AGAP1: variants seen among roughly 807,000 people sequenced by gnomAD.
AGAP1 encodes the protein ArfGAP with GTPase domain, ankyrin repeat and PH domain 1, also known as arf-GAP with GTPase, ANK repeat and PH domain-containing protein 1.
Under a neutral mutation model 105.3 loss-of-function variants are expected in AGAP1, and 29 were observed. The ratio of observed to expected loss-of-function variants is 0.28; its 90% confidence interval spans 0.21 to 0.38. The LOEUF is 0.38. Among genes scored for constraint, AGAP1 ranks in the 10% least tolerant of loss-of-function variants. The probability of loss-of-function intolerance (pLI) is 1.00; values close to 1 mark genes in which losing one functional copy is unlikely to be tolerated. For synonymous variants in AGAP1, 509 were observed against 485.9 expected (o/e 1.05, Z -0.63); for missense variants, 998 against 1,165.1 (o/e 0.86, Z 2.09).
At chr2:235,548,088 G>C (rs1276605873) in intron 1 of AGAP1, among the ~76,000 whole-genome samples, 1 of 152,246 alleles carries the variant, frequency 6.6e-6, no homozygotes, top group African/African-American at 2.4e-5. Flanking sequence ...GTGAGAAATA[G>C]CTGTGTCCAT....
At position 235,660,144 on chromosome 2, in the gene AGAP1, C is replaced by T. The variant is rs923246388; in HGVS notation, c.164-49035C>T. ...TTCCACCAAGGGAGGGAGGGACAGG[C>T]TTTCTCAGGGGGGCGGCCACCCAAG... On this transcript the variant is annotated intron_variant, in intron 1 of 17. Coordinates refer to ENST00000304032, the MANE Select transcript of AGAP1 (RefSeq NM_001037131.3). The surrounding 1 kb of genome is among the most constrained non-coding windows in gnomAD (Gnocchi z 5.3). Among the ~76,000 whole-genome samples, 1 of 152,138 alleles carries T rather than the reference C, an allele frequency of 6.6e-6. No homozygotes were observed.
rs1443139692 is a variant in AGAP1, at chr2:235,555,982, AGACCTATCTGCTGT to A, written c.163+61135_163+61148del. 6.6e-6 allele frequency among the ~76,000 whole-genome samples: 1 copy of A among 152,198 alleles called. No homozygotes were observed. Among genetic ancestry groups the A allele is most frequent in the Admixed American group, 6.5e-5 (1 of 15,288 alleles). On this transcript the variant is annotated intron_variant, in intron 1 of 17. Coordinates refer to ENST00000304032, the MANE Select transcript of AGAP1 (RefSeq NM_001037131.3). The surrounding 1 kb of genome is among the most constrained non-coding windows in gnomAD (Gnocchi z 5.1). Reference sequence around the variant, plus strand: ...TTAGACCTCAAAAACAAAGCGATGTAGACCTATCTGCTGTGTCCTTGTGTTTCTGCCTGTGGGGC... The same window carrying A: ...TTAGACCTCAAAAACAAAGCGATGTAGTCCTTGTGTTTCTGCCTGTGGGGC...
rs750460925 is a variant in AGAP1 at position 235,962,208 on chromosome 2, A to G, written c.1484-6254A>G. On this transcript the variant is annotated intron_variant, in intron 12 of 17. Coordinates refer to ENST00000304032, the MANE Select transcript of AGAP1 (RefSeq NM_001037131.3). This position sits in a 1 kb window ranked among gnomAD's most constrained non-coding sequence, Gnocchi z 5.3. Reference sequence around the variant, plus strand: ...AAGTGGGTTACTACAGAAGTGAGGTAGGATTGAAGGGCAGGCCAGAGGCCA... The same window carrying G: ...AAGTGGGTTACTACAGAAGTGAGGTGGGATTGAAGGGCAGGCCAGAGGCCA... Among the ~76,000 whole-genome samples the G allele has an allele frequency of 4.6e-5, 7 of 152,002 alleles. No individual in the cohort carries two copies. The highest frequency in any genetic ancestry group is 1.0e-4 in the Non-Finnish European group (7 of 67,998).
At chr2:235,771,393 G>A (rs960353511) in intron 6 of AGAP1, among the ~76,000 whole-genome samples, 5 of 152,150 alleles carry the variant, frequency 3.3e-5, no homozygotes, top group Non-Finnish European at 7.4e-5. Flanking sequence ...CCACACGTGG[G>A]CACAGCTGGG....
chr2:235,812,818 G>A lies in AGAP1; in HGVS notation c.1050+5487G>A, dbSNP rs954978499. On this transcript the variant is annotated intron_variant, in intron 9 of 17. Coordinates refer to ENST00000304032, the MANE Select transcript of AGAP1 (RefSeq NM_001037131.3). ...CCCCACCATTGAGGAACCAAGGTGA[G>A]CGAGAGGCCCGCCGAGCGTACGATG... is the stretch of plus-strand genomic sequence containing the variant. Among the ~76,000 whole-genome samples, 4 of 152,338 alleles carry A rather than the reference G, an allele frequency of 2.6e-5. No individual in the cohort carries two copies. In the East Asian group the frequency reaches 7.7e-4, roughly 29 times the overall value.
At position 235,753,042 on chromosome 2, in the gene AGAP1, A is replaced by G. The variant is rs1953588903; in HGVS notation, c.673+2554A>G. 6.6e-6 allele frequency among the ~76,000 whole-genome samples: 1 copy of G among 152,176 alleles called. No individual in the cohort carries two copies. Among genetic ancestry groups the G allele is most frequent in the South Asian group, 2.1e-4 (1 of 4,830 alleles). On this transcript the variant is annotated intron_variant, in intron 6 of 17. Transcript: ENST00000304032. The surrounding 1 kb of genome is among the most constrained non-coding windows in gnomAD (Gnocchi z 4.5). Reference sequence around the variant, plus strand: ...TTCCCATAAAGGCACTTAACCCATCACAGGGTTCCACCCTTGTGATCAGTC... The same window carrying G: ...TTCCCATAAAGGCACTTAACCCATCGCAGGGTTCCACCCTTGTGATCAGTC...
chr2:235,630,462 C>T (rs1178087690), intron 1 of AGAP1, among the ~76,000 whole-genome samples: 12 of 152,278 alleles, frequency 7.9e-5, no homozygotes, highest in East Asian at 1.9e-4. Flanking sequence ...CCACCTGCCT[C>T]GGCCTCCCAA....
Position 236,104,206 on chromosome 2 carries a change from C to T in AGAP1, c.2115-15986C>T, listed in dbSNP as rs113799986. On this transcript the variant is annotated intron_variant, in intron 16 of 17. Transcript: ENST00000304032. This position sits in a 1 kb window ranked among gnomAD's most constrained non-coding sequence, Gnocchi z 4.7. The stretch of plus-strand genomic sequence containing the variant: ...TGAGGGCCCGCTCCAGCAGCCGGGG[C>T]GCTGGTAGGGCCAGGCCTGTTGGCT... 6.8e-3 allele frequency among the ~76,000 whole-genome samples: 1,032 copies of T among 152,314 alleles called. 12 individuals are homozygous for T. Among genetic ancestry groups the T allele is most frequent in the African/African-American group, 0.024 (978 of 41,586 alleles).
At chr2:235,898,071 C>G (rs1169274200) in intron 10 of AGAP1, among the ~76,000 whole-genome samples, 1 of 152,242 alleles carries the variant, frequency 6.6e-6, no homozygotes, top group Non-Finnish European at 1.5e-5. Flanking sequence ...TTGCCTGTTA[C>G]AACTCTAGGC....
Position 235,988,764 on chromosome 2 carries a change from T to TC in AGAP1, c.1645+20141_1645+20142insC, listed in dbSNP as rs1369855385. 6.6e-6 allele frequency among the ~76,000 whole-genome samples: 1 copy of TC among 152,096 alleles called. No individual in the cohort carries two copies. The highest frequency in any genetic ancestry group is 1.5e-5 in the Non-Finnish European group (1 of 68,022). Reference sequence around the variant, plus strand: ...CTCTCAGATTGCACTTCAGAATCGGTGATGCGCACTCATTCCCCTGCACCC... The same window carrying TC: ...CTCTCAGATTGCACTTCAGAATCGGTCGATGCGCACTCATTCCCCTGCACCC... On this transcript the variant is annotated intron_variant, in intron 13 of 17. Transcript: ENST00000304032. The surrounding 1 kb of genome is among the most constrained non-coding windows in gnomAD (Gnocchi z 4.7).
intron 9 of AGAP1, among the ~76,000 whole-genome samples, chr2:235,812,762 G>A (rs1958224908): frequency 6.6e-6 from 1 of 152,236 alleles, no homozygotes; most frequent in Non-Finnish European, 1.5e-5. Flanking sequence ...GTAGGCAGAG[G>A]TTTACAGGAG....
At chr2:235,816,930 A>C (rs2106257180) in intron 9 of AGAP1, among the ~76,000 whole-genome samples, 1 of 152,276 alleles carries the variant, frequency 6.6e-6, no homozygotes, top group Middle Eastern at 3.4e-3. Context: ...TCCTAAGGAA[A>C]TTGTATCATT....
At chr2:235,500,512 C>T (rs895050367) in intron 1 of AGAP1, among the ~76,000 whole-genome samples, 5 of 152,180 alleles carry the variant, frequency 3.3e-5, no homozygotes, top group East Asian at 1.9e-4. Context: ...ATCTCTGGGC[C>T]GTTGTTTCTT....
At chr2:235,731,910 A>G (rs758771302) in intron 3 of AGAP1, among the ~76,000 whole-genome samples, 11 of 152,158 alleles carry the variant, frequency 7.2e-5, no homozygotes, top group Non-Finnish European at 1.5e-4. Flanking sequence ...ACCTGAGCCA[A>G]CAACACCCCA....
rs1020670480 is a variant in AGAP1, at chr2:236,001,727, A to G, written c.1645+33104A>G. 1.4e-4 allele frequency among the ~76,000 whole-genome samples: 21 copies of G among 152,136 alleles called. No individual in the cohort carries two copies. The highest frequency in any genetic ancestry group is 4.8e-4 in the African/African-American group (20 of 41,446). On this transcript the variant is annotated intron_variant, in intron 13 of 17. Transcript: ENST00000304032. The surrounding 1 kb of genome is among the most constrained non-coding windows in gnomAD (Gnocchi z 4.7). ...TTCTGTATAAGATCATACCATGTAT[A>G]TTCTGGAATTTTACTTTTCTAATTT...
rs188709617 is a variant in AGAP1, at chr2:235,610,423, G to A, written c.164-98756G>A. Reference sequence around the variant, plus strand: ...AGTCCAAGATCAGGGTGCTGGCATGGTTGGACTCTGGAGAGACTCTTGTCC... The same window carrying A: ...AGTCCAAGATCAGGGTGCTGGCATGATTGGACTCTGGAGAGACTCTTGTCC... On this transcript the variant is annotated intron_variant, in intron 1 of 17. Transcript: ENST00000304032. The surrounding 1 kb of genome is among the most constrained non-coding windows in gnomAD (Gnocchi z 4.9). Among the ~76,000 whole-genome samples, 19 of 152,282 alleles carry A rather than the reference G, an allele frequency of 1.2e-4. No individual in the cohort carries two copies. The highest frequency in any genetic ancestry group is 2.5e-4 in the Non-Finnish European group (17 of 68,024).
Position 235,963,150 on chromosome 2 carries a change from A to C in AGAP1, c.1484-5312A>C, listed in dbSNP as rs1057425477. Among the ~76,000 whole-genome samples the C allele has an allele frequency of 6.6e-6, 1 of 152,186 alleles. No homozygotes were observed. The highest frequency in any genetic ancestry group is 2.4e-5 in the African/African-American group (1 of 41,444). ...AGACTGCCACTTAGCTGCTTCCTCC[A>C]GGTGAGTCCGGGATTTCTCGGACTC... On this transcript the variant is annotated intron_variant, in intron 12 of 17. Coordinates refer to ENST00000304032, the MANE Select transcript of AGAP1 (RefSeq NM_001037131.3). The surrounding 1 kb of genome is among the most constrained non-coding windows in gnomAD (Gnocchi z 5.1).
intron 9 of AGAP1, among the ~76,000 whole-genome samples, chr2:235,851,459 G>A (rs1033247348): frequency 1.4e-4 from 21 of 152,180 alleles, no homozygotes; most frequent in African/African-American, 4.3e-4. Context: ...ACCATGTGCC[G>A]CAGGCGAGTG....
In AGAP1 at chr2:235,788,981, G is replaced by A. The variant is rs1956812908; in HGVS notation, c.674-8778G>A. 1.3e-5 allele frequency among the ~76,000 whole-genome samples: 2 copies of A among 152,164 alleles called. No homozygotes were observed. Among genetic ancestry groups the A allele is most frequent in the African/African-American group, 4.8e-5 (2 of 41,444 alleles). ...CTGCCCTCTAGCCCAGGGTGACTAT[G>A]GGAACAGACATTCCTGATTTTTGGC... On this transcript the variant is annotated intron_variant, in intron 6 of 17. Coordinates refer to ENST00000304032, the MANE Select transcript of AGAP1 (RefSeq NM_001037131.3). The surrounding 1 kb of genome is among the most constrained non-coding windows in gnomAD (Gnocchi z 6.0).
Sources: gnomAD v4.1 joint callset for allele counts (sites outside exome capture counted in the v4.1 genomes callset) on GRCh38, gnomAD v4.1.1 for gene constraint, Gnocchi (gnomAD v3.1) non-coding constraint, MANE v1.5 for transcripts, NCBI Gene and HGNC (gene_info 2026-07-23, HGNC 2026-07-21) for gene names.